SGCD: variants seen among roughly 807,000 people sequenced by gnomAD.
The protein encoded by SGCD is sarcoglycan delta.
SGCD carries 18 observed loss-of-function variants against 36.6 expected under a neutral mutation model. The observed-to-expected ratio is 0.49, with a 90% CI of 0.34 to 0.73. SGCD has a LOEUF of 0.73. SGCD is among the 30% of genes least tolerant of loss of function. The pLI, the probability that SGCD is intolerant of heterozygous loss-of-function variation, is 0.01. For synonymous variants in SGCD, 133 were observed against 130.6 expected (o/e 1.02, Z -0.12); for missense variants, 387 against 346.7 (o/e 1.12, Z -0.92).
intron 1 of SGCD, among the ~76,000 whole-genome samples, chr5:155,955,029 G>A (rs768682667): frequency 1.3e-5 from 2 of 152,160 alleles, no homozygotes; most frequent in Non-Finnish European, 2.9e-5. Context: ...CTGCCAGGAA[G>A]GAGGCGTTCC....
chr5:156,270,212 G>A (rs1766137741), intron 3 of SGCD, among the ~76,000 whole-genome samples: 1 of 151,990 alleles, frequency 6.6e-6, no homozygotes, highest in African/African-American at 2.4e-5. Context: ...TCTCTATTCT[G>A]TTCCATTGGT....
rs747229389 is a variant in SGCD, at chr5:156,589,236, T to C, written c.300T>C (p.Asn100=). ...CTCTTATTTTCTTATTGCAGGGTAA[T>C]GCCCTGTACTTCAAGTCTGCCAGAA... ...YAKEIQSRPG[N]ALYFKSARNV... Residue 100 remains asparagine (N), a synonymous_variant, in exon 5 of 9, where the codon AAT becomes AAC. Coordinates refer to ENST00000337851, the MANE Select transcript of SGCD (RefSeq NM_000337.6). The C allele has an allele frequency of 1.9e-6, 3 of 1,559,174 alleles. No individual in the cohort carries two copies. Among genetic ancestry groups the C allele is most frequent in the Non-Finnish European group, 2.6e-6 (3 of 1,147,090 alleles).
chr5:155,863,900 C>G, the SGCD span, among the ~76,000 whole-genome samples: 3 of 152,088 alleles, frequency 2.0e-5, no homozygotes, highest in Non-Finnish European at 4.4e-5. Flanking sequence ...AAAAAACAGA[C>G]AAGGACCCTA....
intron 3 of SGCD, among the ~76,000 whole-genome samples, chr5:156,279,688 T>G (rs1050947042): frequency 6.6e-6 from 1 of 152,152 alleles, no homozygotes; most frequent in African/African-American, 2.4e-5. Context: ...TTCTCTTTTT[T>G]TGTGTGTGAG....
intron 6 of SGCD, among the ~76,000 whole-genome samples, chr5:156,625,038 A>G (rs557899434): frequency 1.3e-5 from 2 of 152,328 alleles, no homozygotes; most frequent in South Asian, 2.1e-4. Flanking sequence ...TGAAAAAACA[A>G]TAAATCACCT....
chr5:156,418,932 CTTTTA>C (rs946851051), intron 3 of SGCD, among the ~76,000 whole-genome samples: 2 of 152,078 alleles, frequency 1.3e-5, no homozygotes, highest in Admixed American at 1.3e-4. Context: ...GAATTTTATT[CTTTTA>C]TATTTGTTGA....
At chr5:156,307,692 A>C (rs1767262635) in intron 3 of SGCD, among the ~76,000 whole-genome samples, 1 of 149,408 alleles carries the variant, frequency 6.7e-6, no homozygotes, top group Non-Finnish European at 1.5e-5. Context: ...TATTTTGTTT[A>C]TAGTTACCAT....
intron 7 of SGCD, among the ~76,000 whole-genome samples, chr5:156,734,211 ATC>A (rs1283824247): frequency 2.0e-5 from 3 of 152,008 alleles, no homozygotes; most frequent in African/African-American, 7.2e-5. Context: ...CTGTCCCCCA[ATC>A]TCTTCTGGCT....
At chr5:155,840,977 C>T in the SGCD span, among the ~76,000 whole-genome samples, 1 of 141,714 alleles carries the variant, frequency 7.1e-6, no homozygotes, top group Non-Finnish European at 1.5e-5. Flanking sequence ...CACCACTATA[C>T]TCCAGTCTGC....
intron 4 of SGCD, among the ~76,000 whole-genome samples, chr5:156,553,136 C>G (rs1002552429): frequency 2.6e-5 from 4 of 152,240 alleles, no homozygotes; most frequent in Admixed American, 1.3e-4. Context: ...TTCTAACAAC[C>G]AGCCCTTGTG....
intron 3 of SGCD, among the ~76,000 whole-genome samples, chr5:156,450,954 T>A (rs761032434): frequency 5.9e-5 from 9 of 152,076 alleles, no homozygotes; most frequent in Non-Finnish European, 1.3e-4. Flanking sequence ...CTCCAATAAT[T>A]CCTGAAAGAA....
chr5:155,862,610 G>GGTAA, the SGCD span, among the ~76,000 whole-genome samples: 1 of 152,170 alleles, frequency 6.6e-6, no homozygotes, highest in Non-Finnish European at 1.5e-5. Flanking sequence ...TGCTAGGTGA[G>GGTAA]GTAAGCCACT....
intron 6 of SGCD, among the ~76,000 whole-genome samples, chr5:156,633,902 A>T (rs1416425388): frequency 1.3e-5 from 2 of 152,132 alleles, no homozygotes; most frequent in Non-Finnish European, 2.9e-5. Flanking sequence ...CTACTTCCAC[A>T]CCACAGAGAG....
intron 3 of SGCD, among the ~76,000 whole-genome samples, chr5:156,320,918 AGAGT>A (rs1220996536): frequency 6.6e-6 from 1 of 152,236 alleles, no homozygotes. Context: ...GAGCCAGAGC[AGAGT>A]GAGTGTCACT....
intron 1 of SGCD, among the ~76,000 whole-genome samples, chr5:155,949,747 C>A (rs1429655264): frequency 6.6e-6 from 1 of 152,196 alleles, no homozygotes; most frequent in Non-Finnish European, 1.5e-5. Flanking sequence ...TTCTGTGTTA[C>A]AGTGGCATAG....
intron 3 of SGCD, among the ~76,000 whole-genome samples, chr5:156,346,274 C>G (rs1768929894): frequency 6.6e-6 from 1 of 152,010 alleles, no homozygotes; most frequent in Admixed American, 6.5e-5. Context: ...TCAGTTCTTT[C>G]TAAAAAAATT....
At chr5:156,639,073 A>G (rs1023290534) in intron 6 of SGCD, among the ~76,000 whole-genome samples, 2 of 151,900 alleles carry the variant, frequency 1.3e-5, no homozygotes, top group East Asian at 3.9e-4. Context: ...CTATTTTGAT[A>G]TGCCAGACAT....
chr5:155,821,659 C>T, the SGCD span, among the ~76,000 whole-genome samples: 1 of 152,134 alleles, frequency 6.6e-6, no homozygotes, highest in African/African-American at 2.4e-5. Context: ...CACGTCCATC[C>T]ATAGGAGAGT....
At chr5:156,754,153 T>TCCGGCC (rs1379768761) in intron 7 of SGCD, among the ~76,000 whole-genome samples, 5 of 152,186 alleles carry the variant, frequency 3.3e-5, no homozygotes, top group Non-Finnish European at 7.4e-5. Context: ...AGTCTACCTC[T>TCCGGCC]CCGGCCTGGG....
Sources: allele counts gnomAD v4.1 joint callset (sites outside exome capture counted in the v4.1 genomes callset), GRCh38; gene constraint gnomAD v4.1.1; transcripts MANE v1.5; gene names NCBI Gene and HGNC (gene_info 2026-07-23, HGNC 2026-07-21).